Variants in ATAD2 observed in about 807,000 individuals in gnomAD.
The protein encoded by ATAD2 is ATPase family AAA domain-containing protein 2.
A neutral mutation model predicts 168.9 loss-of-function variants in ATAD2; 62 were observed. The observed-to-expected ratio is 0.37, with a 90% CI of 0.30 to 0.45. The LOEUF (loss-of-function observed/expected upper bound fraction) is 0.45. Ranked by LOEUF, ATAD2 falls within the 20% of genes least tolerant of loss-of-function variation. The pLI is 1.00. For synonymous variants in ATAD2, 613 were observed against 571.6 expected (o/e 1.07, Z -1.03); for missense variants, 1,419 against 1,667.8 (o/e 0.85, Z 2.60).
At chr8:123,396,091 G>T in intron 1 of ATAD2, 96 bp downstream of exon 1, 1 of 1,343,092 alleles carries the variant, frequency 7.4e-7, no homozygotes, top group Non-Finnish European at 9.8e-7. Context: ...CTGTCACCCT[G>T]ACCGGCGCCG....
Position 123,348,189 on chromosome 8 carries a change from A to C in ATAD2, c.1891T>G (p.Cys631Gly). 1 of 1,584,150 alleles carries C rather than the reference A, an allele frequency of 6.3e-7. No homozygotes were observed. Among genetic ancestry groups the C allele is most frequent in the East Asian group, 2.3e-5 (1 of 44,228 alleles). The change falls in exon 15 of 28, where the codon TGT becomes GGT. Residue 631 changes from cysteine to glycine, a missense_variant. Cys to Gly is a radical substitution (Grantham distance 159, BLOSUM62 -3). Coordinates refer to ENST00000287394, the MANE Select transcript of ATAD2 (RefSeq NM_014109.4). ...TGCTTAAAACAATGTTTACCAACAC[A>C]GTTTTCTGCTAGCTCTTCTAAAAAT... ...DTFLEELAEN[C>G]VGYCGADIKS...
At chr8:123,408,849 A>T (rs1172062220) in intron 1 of ATAD2, among the ~76,000 whole-genome samples, 2 of 137,702 alleles carry the variant, frequency 1.5e-5, no homozygotes, top group Non-Finnish European at 1.5e-5. Flanking sequence ...TTTTTTTGAG[A>T]CGGAGTCTCG....
At chr8:123,356,501 T>C (rs746911186) in intron 12 of ATAD2, 24 bp from the exon 13 acceptor site, 3 of 1,565,214 alleles carry the variant, frequency 1.9e-6, no homozygotes, top group East Asian at 4.5e-5. Flanking sequence ...GGAGTGGTCA[T>C]TTGTTAGCAT....
chr8:123,367,024 CAT>C (rs936512221), intron 8 of ATAD2, among the ~76,000 whole-genome samples: 1 of 152,050 alleles, frequency 6.6e-6, no homozygotes, highest in Non-Finnish European at 1.5e-5. Flanking sequence ...TTTAAACACA[CAT>C]ATCTGTCTAC....
At chr8:123,374,347 C>G (rs552219318) in intron 2 of ATAD2, among the ~76,000 whole-genome samples, 1 of 152,198 alleles carries the variant, frequency 6.6e-6, no homozygotes, top group South Asian at 2.1e-4. Flanking sequence ...AGCACAGGGT[C>G]CATCTCAAAA....
chr8:123,389,960 T>TTATATATATATATATATA lies in ATAD2; in HGVS notation c.171+6209_171+6226dup, dbSNP rs386360951. Among the ~76,000 whole-genome samples the TTATATATATATATATATA allele has an allele frequency of 3.1e-4, 29 of 94,040 alleles. 1 individual carries two copies. Among genetic ancestry groups the TTATATATATATATATATA allele is most frequent in the Admixed American group, 4.2e-4 (3 of 7,126 alleles). 61.7% of individuals were successfully genotyped at this position (94,040 alleles called of 152,430 possible). A position where few individuals can be genotyped will look rare whatever the true frequency, so the allele number is the denominator to read the frequency against. On this transcript the variant is annotated intron_variant, in intron 1 of 27. Coordinates refer to ENST00000287394, the MANE Select transcript of ATAD2 (RefSeq NM_014109.4). ...ATAAGTGGTAGCTATTACTATTATT[T>TTATATATATATATATATA]TATATATATATATATATATATATAT...
intron 1 of ATAD2, among the ~76,000 whole-genome samples, chr8:123,405,611 G>T (rs1308640146): frequency 2.0e-5 from 3 of 152,188 alleles, no homozygotes; most frequent in African/African-American, 7.2e-5. Flanking sequence ...ATGAGCATGT[G>T]TTTGCATGGG....
chr8:123,346,634 A>C lies in ATAD2; in HGVS notation c.2329T>G (p.Phe777Val). 6.4e-7 allele frequency: 1 copy of C among 1,563,454 alleles called. No homozygotes were observed. Among genetic ancestry groups the C allele is most frequent in the Middle Eastern group, 1.8e-4 (1 of 5,510 alleles). Residue 777 changes from phenylalanine (F) to valine (V), a missense_variant, in exon 17 of 28, where the codon TTT becomes GTT. Physicochemically the swap from Phe to Val is conservative, Grantham distance 50. Around this residue, in one of 5 missense-constraint regions of ATAD2, gnomAD observed 545 missense variants for 724.9 expected, o/e 0.75. Coordinates refer to ENST00000287394, the MANE Select transcript of ATAD2 (RefSeq NM_014109.4). ...SSHKAKDNFN[F>V]LHLNRNACYQ... Reference sequence around the variant, plus strand: ...AAAATATACCTATTCAAATGAAGAAAATTAAAATTGTCTTTTGCCTTATGA... The same window carrying C: ...AAAATATACCTATTCAAATGAAGAACATTAAAATTGTCTTTTGCCTTATGA...
intron 1 of ATAD2, among the ~76,000 whole-genome samples, chr8:123,412,185 A>G (rs1161755386): frequency 6.6e-6 from 1 of 152,230 alleles, no homozygotes; most frequent in East Asian, 1.9e-4. Context: ...AGCCTGGGTA[A>G]CAGATATTGC....
At chr8:123,357,763 G>GT (rs1332521059) in intron 11 of ATAD2, 27 bp from the exon 12 acceptor site, 1 of 1,535,198 alleles carries the variant, frequency 6.5e-7, no homozygotes, top group Admixed American at 2.3e-5. Flanking sequence ...TAACATTTTA[G>GT]TATTACATTT....
At position 123,370,033 on chromosome 8, in the gene ATAD2, A is replaced by AAG; in HGVS notation, c.728-11_728-10dup. On this transcript the variant is annotated splice_polypyrimidine_tract_variant and intron_variant, in intron 6 of 27. Coordinates refer to ENST00000287394, the MANE Select transcript of ATAD2 (RefSeq NM_014109.4). ...ACCCTCTTCAGATGACTCTACAATT[A>AAG]AGAGATCCTTACTTCCAGAAAGATA... 3 of 1,598,948 alleles carry AAG rather than the reference A, an allele frequency of 1.9e-6. No homozygotes were observed. In the Admixed American group the frequency reaches 5.0e-5, roughly 27 times the overall value.
intron 14 of ATAD2, 106 bp downstream of exon 14, chr8:123,349,179 A>C: frequency 8.8e-7 from 1 of 1,142,498 alleles, no homozygotes; most frequent in Non-Finnish European, 1.2e-6. Context: ...ATTTGACAAG[A>C]CCATGATACA....
chr8:123,332,409 C>G (rs1468791176), intron 24 of ATAD2, among the ~76,000 whole-genome samples: 1 of 152,194 alleles, frequency 6.6e-6, no homozygotes, highest in Non-Finnish European at 1.5e-5. Flanking sequence ...CACCCTTATT[C>G]TAATTCTAGT....
chr8:123,341,953 G>C (rs1344977024), intron 19 of ATAD2, among the ~76,000 whole-genome samples: 2 of 152,150 alleles, frequency 1.3e-5, no homozygotes, highest in Non-Finnish European at 2.9e-5. Context: ...GGGCATGGTG[G>C]CGGATGCCTG....
intron 22 of ATAD2, 27 bp downstream of exon 22, chr8:123,336,346 C>A: frequency 6.4e-7 from 1 of 1,559,730 alleles, no homozygotes; most frequent in South Asian, 1.2e-5. Context: ...AACTCAACCC[C>A]CTGAAAAAAA....
chr8:123,333,265 C>T lies in ATAD2; in HGVS notation c.3478+613G>A, dbSNP rs1233709900. On this transcript the variant is annotated intron_variant, in intron 24 of 27. Coordinates refer to ENST00000287394, the MANE Select transcript of ATAD2 (RefSeq NM_014109.4). ...AAAAAAAAAAAAAAAAAAAAATTAG[C>T]CAGGCATAGTGGCGGGTGCCTATAG... Among the ~76,000 whole-genome samples, 3 of 137,684 alleles carry T rather than the reference C, an allele frequency of 2.2e-5. 1 individual carries two copies. Among genetic ancestry groups the T allele is most frequent in the African/African-American group, 8.1e-5 (3 of 37,078 alleles). 90.3% of individuals were successfully genotyped at this position (137,684 alleles called of 152,430 possible). A position where few individuals can be genotyped will look rare whatever the true frequency, so the allele number is the denominator to read the frequency against.
At chr8:123,391,221 G>C (rs963169162) in intron 1 of ATAD2, among the ~76,000 whole-genome samples, 2 of 151,596 alleles carry the variant, frequency 1.3e-5, no homozygotes, top group Non-Finnish European at 2.9e-5. Flanking sequence ...AGAAACTACA[G>C]AAAAGATATC....
At position 123,382,815 on chromosome 8, in the gene ATAD2, T is replaced by C. The variant is rs150364526; in HGVS notation, c.172-2138A>G. On this transcript the variant is annotated intron_variant, in intron 1 of 27. Transcript: ENST00000287394. ...TTCCTCAAGGATCTAGAACCAGAAATACCATTTGACCCAGCAATCCCATTA... is the reference window on the plus strand; with the variant it reads ...TTCCTCAAGGATCTAGAACCAGAAACACCATTTGACCCAGCAATCCCATTA... Among the ~76,000 whole-genome samples the C allele has an allele frequency of 2.2e-4, 33 of 152,272 alleles. No homozygotes were observed. In the East Asian group the frequency reaches 6.4e-3, roughly 29 times the overall value.
chr8:123,333,804 T>C, intron 24 of ATAD2, 74 bp downstream of exon 24: 2 of 1,432,012 alleles, frequency 1.4e-6, no homozygotes, highest in Admixed American at 4.8e-5. Context: ...TAAAGGAAAA[T>C]AAGGGAGAAA....
Sources: allele counts gnomAD v4.1 joint callset (sites outside exome capture counted in the v4.1 genomes callset), GRCh38; gene constraint gnomAD v4.1.1; regional missense constraint gnomAD v4.1.1; transcripts MANE v1.5; gene names NCBI Gene and HGNC (gene_info 2026-07-23, HGNC 2026-07-21).